Variants in GALNT3 observed in about 807,000 individuals in gnomAD.
GALNT3 encodes the protein polypeptide N-acetylgalactosaminyltransferase 3.
GALNT3 carries 51 observed loss-of-function variants against 69.8 expected under a neutral mutation model. The observed-to-expected ratio is 0.73, with a 90% CI of 0.58 to 0.92. GALNT3 has a LOEUF of 0.92. Among genes scored for constraint, GALNT3 ranks in the 40% least tolerant of loss-of-function variants. The pLI is 0.00. For synonymous variants in GALNT3, 265 were observed against 248.5 expected (o/e 1.07, Z -0.63); for missense variants, 711 against 760.0 (o/e 0.94, Z 0.76).
At chr2:165,782,553 A>G (rs1243155375) in intron 1 of GALNT3, among the ~76,000 whole-genome samples, 3 of 152,138 alleles carry the variant, frequency 2.0e-5, no homozygotes, top group African/African-American at 7.2e-5. Context: ...CAGTATGTCT[A>G]TTCCAATTAT....
intron 1 of GALNT3, among the ~76,000 whole-genome samples, chr2:165,781,107 C>A (rs1043966309): frequency 1.6e-4 from 25 of 152,128 alleles, no homozygotes; most frequent in Non-Finnish European, 2.9e-4. Context: ...TAGAGCATTC[C>A]TCTTTGGCAC....
intron 1 of GALNT3, among the ~76,000 whole-genome samples, chr2:165,772,632 G>C (rs193172500): frequency 1.3e-5 from 2 of 148,278 alleles, no homozygotes; most frequent in Non-Finnish European, 3.0e-5. Context: ...TAGAAGGTCA[G>C]GAGAAATGTT....
chr2:165,758,558 C>T (rs539164088), intron 6 of GALNT3, 189 bp downstream of exon 6: 27 of 484,322 alleles, frequency 5.6e-5, no homozygotes, highest in East Asian at 5.0e-4. Flanking sequence ...GTTACACTGG[C>T]GACAATGAAT....
intron 2 of GALNT3, among the ~76,000 whole-genome samples, chr2:165,769,417 A>AATC (rs1688708562): frequency 7.2e-6 from 1 of 138,304 alleles, no homozygotes; most frequent in Non-Finnish European, 1.5e-5. Context: ...AAATAATAAT[A>AATC]ATAATAATAA....
At chr2:165,775,152 G>T (rs1161918877) in intron 1 of GALNT3, among the ~76,000 whole-genome samples, 2 of 151,618 alleles carry the variant, frequency 1.3e-5, no homozygotes, top group African/African-American at 4.8e-5. Context: ...TTCTAACTCT[G>T]TTCAAACTCA....
At chr2:165,787,326 A>T (rs1173790791) in intron 1 of GALNT3, among the ~76,000 whole-genome samples, 1 of 152,246 alleles carries the variant, frequency 6.6e-6, no homozygotes, top group Non-Finnish European at 1.5e-5. Context: ...ATATAAAAAG[A>T]TTGGTGGAGC....
chr2:165,769,441 A>AATAATT (rs1365934792), intron 2 of GALNT3, among the ~76,000 whole-genome samples: 1 of 79,902 alleles, frequency 1.3e-5, no homozygotes, highest in Non-Finnish European at 3.1e-5. Context: ...TAATAATAAT[A>AATAATT]AATAAATAAA....
At chr2:165,766,772 C>A (rs1688650740) in intron 2 of GALNT3, among the ~76,000 whole-genome samples, 1 of 116,860 alleles carries the variant, frequency 8.6e-6, no homozygotes, top group African/African-American at 2.7e-5. Context: ...AAAAGATACA[C>A]AAATTATCCC....
chr2:165,761,126 A>AAC (rs199906382), intron 4 of GALNT3, among the ~76,000 whole-genome samples: 1,525 of 151,416 alleles, frequency 0.01, 31 homozygotes, highest in African/African-American at 0.034. Context: ...TAAAAAAAAA[A>AAC]ACACACACAC....
rs948947398 is a variant in GALNT3 at position 165,765,816 on chromosome 2, T to G, written c.516-760A>C. On this transcript the variant is annotated intron_variant, in intron 2 of 10. Coordinates refer to ENST00000392701, the MANE Select transcript of GALNT3 (RefSeq NM_004482.4). ...TAAATCATTTTTATAAAGATTATCT[T>G]TAATTAGATATTTACCTAAGTATGT... Among the ~76,000 whole-genome samples, 16 of 152,324 alleles carry G rather than the reference T, an allele frequency of 1.1e-4. 1 individual carries two copies. Among genetic ancestry groups the G allele is most frequent in the African/African-American group, 2.9e-4 (12 of 41,574 alleles).
intron 3 of GALNT3, among the ~76,000 whole-genome samples, chr2:165,762,746 A>C (rs1320181897): frequency 6.6e-6 from 1 of 152,188 alleles, no homozygotes; most frequent in Non-Finnish European, 1.5e-5. Context: ...AAAATTTGAG[A>C]TCATAGGTTT....
At chr2:165,773,986 A>G (rs764019302) in intron 1 of GALNT3, among the ~76,000 whole-genome samples, 2 of 152,140 alleles carry the variant, frequency 1.3e-5, no homozygotes, top group Non-Finnish European at 2.9e-5. Context: ...TGGCAGAGAG[A>G]GTAGTTGTAG....
intron 1 of GALNT3, among the ~76,000 whole-genome samples, chr2:165,774,138 A>G (rs757322265): frequency 1.3e-5 from 2 of 152,228 alleles, no homozygotes; most frequent in Non-Finnish European, 2.9e-5. Context: ...TTGATGAACT[A>G]CAACCTCATC....
chr2:165,784,324 G>A (rs776044387), intron 1 of GALNT3, among the ~76,000 whole-genome samples: 4 of 152,202 alleles, frequency 2.6e-5, no homozygotes, highest in African/African-American at 9.7e-5. Context: ...TGTCGTTGAA[G>A]TTGTGCTGAA....
intron 2 of GALNT3, among the ~76,000 whole-genome samples, chr2:165,767,419 A>G (rs1170197196): frequency 1.3e-5 from 2 of 152,210 alleles, no homozygotes; most frequent in Non-Finnish European, 2.9e-5. Context: ...GAAGATTTAA[A>G]GTATAAAATT....
At chr2:165,788,621 C>G (rs533796418) in intron 1 of GALNT3, among the ~76,000 whole-genome samples, 1 of 151,740 alleles carries the variant, frequency 6.6e-6, no homozygotes, top group Admixed American at 6.6e-5. Flanking sequence ...TGAGGGGACA[C>G]AGTTTCCCAA....
In GALNT3 at chr2:165,770,824, A is replaced by T. The variant is rs1345039144; in HGVS notation, c.-108-16T>A. On this transcript the variant is annotated splice_polypyrimidine_tract_variant and intron_variant, in intron 1 of 10. Coordinates refer to ENST00000392701, the MANE Select transcript of GALNT3 (RefSeq NM_004482.4). ...ATGGTAGTACCTATAAACAGAAATG[A>T]TCGATGGTATTAGTAGCTATTCAGT... The T allele has an allele frequency of 9.5e-7, 1 of 1,057,202 alleles. No homozygotes were observed. Among genetic ancestry groups the T allele is most frequent in the Non-Finnish European group, 1.4e-6 (1 of 732,974 alleles). 65.5% of individuals were successfully genotyped at this position (1,057,202 alleles called of 1,614,324 possible).
At position 165,757,211 on chromosome 2, in the gene GALNT3, A is replaced by G; in HGVS notation, c.1228T>C (p.Cys410Arg). 8 of 1,614,104 alleles carry G rather than the reference A, an allele frequency of 5.0e-6. No homozygotes were observed. The highest frequency in any genetic ancestry group is 6.8e-6 in the Non-Finnish European group (8 of 1,179,946). The change falls in exon 7 of 11, where the codon TGC becomes CGC. Residue 410 changes from cysteine (C) to arginine (R), a missense_variant. Physicochemically the swap from Cys to Arg is radical, Grantham distance 180. Coordinates refer to ENST00000392701, the MANE Select transcript of GALNT3 (RefSeq NM_004482.4). ...QCGGQLEIMPCSVVGHVFRSK... is the reference protein window; with the variant it reads ...QCGGQLEIMPRSVVGHVFRSK... Reference sequence around the variant, plus strand: ...CGAAAAACATGTCCAACAACAGAGCAAGGCATAATCTCCAACTGCCCACCA... The same window carrying G: ...CGAAAAACATGTCCAACAACAGAGCGAGGCATAATCTCCAACTGCCCACCA...
At chr2:165,781,528 C>T (rs1249711057) in intron 1 of GALNT3, among the ~76,000 whole-genome samples, 2 of 151,260 alleles carry the variant, frequency 1.3e-5, no homozygotes, top group African/African-American at 4.9e-5. Flanking sequence ...GCCCAGGAGG[C>T]AGAGGTTGCA....
Sources: gnomAD v4.1 joint callset for allele counts (sites outside exome capture counted in the v4.1 genomes callset) on GRCh38, gnomAD v4.1.1 for gene constraint, MANE v1.5 for transcripts, NCBI Gene and HGNC (gene_info 2026-07-23, HGNC 2026-07-21) for gene names.